EPHA3: variants seen among roughly 807,000 people sequenced by gnomAD.
EPHA3 encodes the protein EPH receptor A3, also known as ephrin type-A receptor 3.
EPHA3 carries 42 observed loss-of-function variants against 107.1 expected under a neutral mutation model. The ratio of observed to expected loss-of-function variants is 0.39; its 90% CI spans 0.31 to 0.51. EPHA3 has a LOEUF of 0.51. Among genes scored for constraint, EPHA3 ranks in the 20% least tolerant of loss-of-function variants. The pLI is 0.78. For synonymous variants in EPHA3, 461 were observed against 424.8 expected (o/e 1.09, Z -1.05); for missense variants, 1,183 against 1,211.2 (o/e 0.98, Z 0.35).
chr3:89,467,449 A>G (rs1559706661), intron 15 of EPHA3, among the ~76,000 whole-genome samples: 2 of 152,208 alleles, frequency 1.3e-5, no homozygotes, highest in African/African-American at 4.8e-5. Flanking sequence ...AATGTGTATT[A>G]GTTATTATTT....
chr3:89,241,575 C>A (rs1280053957), intron 3 of EPHA3, among the ~76,000 whole-genome samples: 1 of 152,096 alleles, frequency 6.6e-6, no homozygotes, highest in South Asian at 2.1e-4. Context: ...CTCTTTGTGA[C>A]AGGCATTGTT....
intron 2 of EPHA3, among the ~76,000 whole-genome samples, chr3:89,196,209 G>A (rs1241455879): frequency 6.6e-6 from 1 of 152,074 alleles, no homozygotes; most frequent in Non-Finnish European, 1.5e-5. Flanking sequence ...ATCCTTTGAG[G>A]TTTTATTTAA....
intron 3 of EPHA3, among the ~76,000 whole-genome samples, chr3:89,340,435 C>A (rs1049541840): frequency 6.6e-6 from 1 of 152,158 alleles, no homozygotes; most frequent in East Asian, 1.9e-4. Flanking sequence ...TAAAAATATA[C>A]GTGAAGCCAT....
chr3:89,236,007 T>C (rs1193250852), intron 3 of EPHA3, among the ~76,000 whole-genome samples: 2 of 152,092 alleles, frequency 1.3e-5, no homozygotes, highest in Non-Finnish European at 2.9e-5. Flanking sequence ...GTCAGTGACA[T>C]ACCAGTCAAG....
At chr3:89,134,654 T>G (rs1704276230) in intron 2 of EPHA3, among the ~76,000 whole-genome samples, 1 of 152,184 alleles carries the variant, frequency 6.6e-6, no homozygotes, top group Non-Finnish European at 1.5e-5. Flanking sequence ...TCTTTGCTAT[T>G]GTGAATAGTG....
chr3:89,210,327 G>T lies in EPHA3; in HGVS notation c.621G>T (p.Lys207Asn), dbSNP rs200567888. ...TCAAAAAGTGCCCATTTACAGTGAA[G>T]AATCTGGCTATGTTTCCAGACACGG... ...VYFKKCPFTVKNLAMFPDTVP... is the reference protein window; with the variant it reads ...VYFKKCPFTVNNLAMFPDTVP... Residue 207 changes from lysine to asparagine, a missense_variant, in exon 3 of 17, where the codon AAG becomes AAT. Coordinates refer to ENST00000336596, the MANE Select transcript of EPHA3 (RefSeq NM_005233.6). 1,518 of 1,613,642 alleles carry T rather than the reference G, an allele frequency of 9.4e-4. 4 individuals carry two copies. The highest frequency in any genetic ancestry group is 1.0e-3 in the Non-Finnish European group (1,217 of 1,179,794).
intron 5 of EPHA3, among the ~76,000 whole-genome samples, chr3:89,370,527 G>A (rs1193465764): frequency 6.6e-6 from 1 of 151,744 alleles, no homozygotes; most frequent in Non-Finnish European, 1.5e-5. Flanking sequence ...GGAGGGGGGA[G>A]GGATAGCATT....
chr3:89,185,564 T>A (rs1363837136), intron 2 of EPHA3, among the ~76,000 whole-genome samples: 2 of 152,136 alleles, frequency 1.3e-5, no homozygotes, highest in Non-Finnish European at 2.9e-5. Flanking sequence ...CACTGCTGGC[T>A]AGAGGACTGT....
At chr3:89,190,327 T>A (rs556818856) in intron 2 of EPHA3, among the ~76,000 whole-genome samples, 1 of 152,312 alleles carries the variant, frequency 6.6e-6, no homozygotes, top group South Asian at 2.1e-4. Context: ...AAACTCGTTG[T>A]TTGCCAGGTG....
intron 3 of EPHA3, among the ~76,000 whole-genome samples, chr3:89,294,868 C>A (rs1414226847): frequency 6.6e-6 from 1 of 152,024 alleles, no homozygotes; most frequent in Non-Finnish European, 1.5e-5. Flanking sequence ...TTTTTGGCTG[C>A]CAAACATTGT....
At position 89,210,430 on chromosome 3, in the gene EPHA3, A is replaced by T. The variant is rs995930628; in HGVS notation, c.724A>T (p.Met242Leu). ...TTCTAAGGAGGAAGATCCTCCAAGG[A>T]TGTACTGCAGTACAGAAGGCGAATG... Reference protein sequence around the residue: ...NNSKEEDPPRMYCSTEGEWLV... With the variant: ...NNSKEEDPPRLYCSTEGEWLV... Residue 242 changes from methionine to leucine, a missense_variant, in exon 3 of 17, where the codon ATG (methionine) becomes TTG (leucine). By Grantham distance (15) the Met-to-Leu change is conservative. Coordinates refer to ENST00000336596, the MANE Select transcript of EPHA3 (RefSeq NM_005233.6). The T allele has an allele frequency of 1.2e-6, 2 of 1,613,416 alleles. No individual in the cohort carries two copies. The highest frequency in any genetic ancestry group is 1.7e-6 in the Non-Finnish European group (2 of 1,179,742).
chr3:89,131,004 A>G (rs773459340), intron 2 of EPHA3, among the ~76,000 whole-genome samples: 13 of 152,206 alleles, frequency 8.5e-5, no homozygotes, highest in Admixed American at 3.9e-4. Context: ...GATACTACAT[A>G]TATTATTAGG....
chr3:89,181,579 C>G (rs1484157810), intron 2 of EPHA3, among the ~76,000 whole-genome samples: 2 of 151,792 alleles, frequency 1.3e-5, no homozygotes, highest in Non-Finnish European at 2.9e-5. Flanking sequence ...CTTAATACTG[C>G]GGTGTTTTAA....
intron 5 of EPHA3, among the ~76,000 whole-genome samples, chr3:89,392,986 C>T (rs1280961959): frequency 6.6e-6 from 1 of 152,036 alleles, no homozygotes; most frequent in Admixed American, 6.6e-5. Flanking sequence ...ATTATGTCCA[C>T]ATTATTTATC....
At chr3:89,323,181 T>A (rs1226766888) in intron 3 of EPHA3, among the ~76,000 whole-genome samples, 1 of 152,088 alleles carries the variant, frequency 6.6e-6, no homozygotes, top group African/African-American at 2.4e-5. Context: ...TTTAAAAATG[T>A]TTATACACAA....
intron 7 of EPHA3, chr3:89,400,000 T>A (rs1368991625): frequency 1.9e-6 from 2 of 1,041,894 alleles, no homozygotes; most frequent in Non-Finnish European, 2.3e-6. Context: ...TAACCCCAAA[T>A]TTGGCTAAAA....
At chr3:89,241,136 C>A (rs1576257614) in intron 3 of EPHA3, among the ~76,000 whole-genome samples, 1 of 149,032 alleles carries the variant, frequency 6.7e-6, no homozygotes, top group African/African-American at 2.6e-5. Flanking sequence ...ATTAAAAAAA[C>A]ACCAGTCATT....
rs1706243641 is a variant in EPHA3, at chr3:89,210,330, T to A, written c.624T>A (p.Asn208Lys). The A allele has an allele frequency of 6.2e-7, 1 of 1,613,716 alleles. No individual in the cohort carries two copies. The highest frequency in any genetic ancestry group is 8.5e-7 in the Non-Finnish European group (1 of 1,179,836). ...YFKKCPFTVK[N>K]LAMFPDTVPM... ...AAAAGTGCCCATTTACAGTGAAGAA[T>A]CTGGCTATGTTTCCAGACACGGTAC... Residue 208 changes from asparagine (N) to lysine (K), a missense_variant, in exon 3 of 17, where the codon AAT becomes AAA. By Grantham distance (94) the Asn-to-Lys change is moderately conservative. Transcript: ENST00000336596.
intron 3 of EPHA3, among the ~76,000 whole-genome samples, chr3:89,222,912 C>A (rs1191070652): frequency 2.6e-5 from 4 of 152,118 alleles, no homozygotes; most frequent in Non-Finnish European, 5.9e-5. Flanking sequence ...TTGTTCTATA[C>A]AAGGATCATG....
Sources: gnomAD v4.1 joint callset for allele counts (sites outside exome capture counted in the v4.1 genomes callset) on GRCh38, gnomAD v4.1.1 for gene constraint, MANE v1.5 for transcripts, NCBI Gene and HGNC (gene_info 2026-07-23, HGNC 2026-07-21) for gene names.